Variants in ADAMTSL3 observed in about 807,000 individuals in gnomAD.
ADAMTSL3 encodes ADAMTS like 3, also known as ADAMTS-like protein 3.
A neutral mutation model predicts 201.7 loss-of-function variants in ADAMTSL3; 128 were observed. The ratio of observed to expected loss-of-function variants is 0.63; its 90% CI spans 0.55 to 0.73. The LOEUF (loss-of-function observed/expected upper bound fraction) is 0.73, where lower values mean the gene tolerates loss of function less well. Ranked by LOEUF, ADAMTSL3 falls within the 30% of genes least tolerant of loss-of-function variation. The probability of loss-of-function intolerance (pLI) is 0.00; values close to 1 mark genes in which losing one functional copy is unlikely to be tolerated. For synonymous variants in ADAMTSL3, 738 were observed against 748.4 expected, an observed-to-expected ratio of 0.99 and a Z score of 0.23; for missense variants, 1,990 against 2,119.6, an observed-to-expected ratio of 0.94 and a Z score of 1.20.
chr15:83,671,288 A>G (rs1241104537), intron 2 of ADAMTSL3, among the ~76,000 whole-genome samples: 2 of 152,176 alleles, frequency 1.3e-5, no homozygotes, highest in African/African-American at 4.8e-5. Context: ...TAAAGAGGGC[A>G]CAGAACTTTT....
chr15:83,813,476 T>G (rs552421110), intron 5 of ADAMTSL3, among the ~76,000 whole-genome samples: 6 of 152,298 alleles, frequency 3.9e-5, no homozygotes, highest in Non-Finnish European at 8.8e-5. Flanking sequence ...GAAATCTAGT[T>G]GTAATAGGGA....
intron 3 of ADAMTSL3, among the ~76,000 whole-genome samples, chr15:83,711,952 G>A (rs779427050): frequency 4.6e-5 from 7 of 152,150 alleles, no homozygotes; most frequent in Non-Finnish European, 7.4e-5. Flanking sequence ...GTTCAAGACA[G>A]ACCCAAATGG....
At chr15:83,672,592 G>T (rs1438762994) in intron 2 of ADAMTSL3, among the ~76,000 whole-genome samples, 1 of 152,218 alleles carries the variant, frequency 6.6e-6, no homozygotes, top group Non-Finnish European at 1.5e-5. Flanking sequence ...GCAGTCATTT[G>T]TAATCATTAT....
intron 3 of ADAMTSL3, among the ~76,000 whole-genome samples, chr15:83,744,165 T>A (rs1239351478): frequency 1.3e-5 from 2 of 152,150 alleles, no homozygotes; most frequent in Admixed American, 1.3e-4. Flanking sequence ...TTTTTTATTT[T>A]AAAAAAAGGC....
intron 28 of ADAMTSL3, among the ~76,000 whole-genome samples, chr15:84,036,001 A>G (rs1280638556): frequency 6.6e-6 from 1 of 152,160 alleles, no homozygotes; most frequent in Non-Finnish European, 1.5e-5. Context: ...AGAGAAATAC[A>G]TTTCTTCAAC....
chr15:83,865,460 A>G (rs535750612), intron 8 of ADAMTSL3, among the ~76,000 whole-genome samples: 1 of 152,318 alleles, frequency 6.6e-6, no homozygotes. Context: ...ATAATGCCGC[A>G]TATCTACAAC....
chr15:83,740,069 A>T (rs1364663226), intron 3 of ADAMTSL3: 1 of 318,446 alleles, frequency 3.1e-6, no homozygotes, highest in Admixed American at 3.2e-5. Flanking sequence ...ATCACAGGTA[A>T]GGAATACCTA....
At chr15:83,781,652 T>C (rs1299022300) in intron 4 of ADAMTSL3, among the ~76,000 whole-genome samples, 1 of 152,040 alleles carries the variant, frequency 6.6e-6, no homozygotes, top group African/African-American at 2.4e-5. Context: ...AAACTATCAA[T>C]AGAGTGAACA....
chr15:83,799,832 T>G (rs1016642421), intron 4 of ADAMTSL3, among the ~76,000 whole-genome samples: 5 of 152,214 alleles, frequency 3.3e-5, no homozygotes, highest in Non-Finnish European at 7.3e-5. Flanking sequence ...TACACTGAAA[T>G]TAAAAACTTG....
Position 84,016,484 on chromosome 15 carries a change from G to T in ADAMTSL3, c.4258G>T (p.Glu1420Ter), listed in dbSNP as rs149903189. The T allele has an allele frequency of 1.9e-6, 3 of 1,613,530 alleles. No homozygotes were observed. Among genetic ancestry groups the T allele is most frequent in the Non-Finnish European group, 2.5e-6 (3 of 1,179,610 alleles). The change falls in exon 25 of 30, where the codon GAA becomes TAA. Residue 1420 changes from glutamate to a stop codon, truncating the protein, a stop_gained. Coordinates refer to ENST00000286744, the MANE Select transcript of ADAMTSL3 (RefSeq NM_207517.3). LOFTEE classifies it high-confidence loss of function. Reference protein sequence around the residue: ...TRTNSNDPTGEPPPQEPFWEP... With the variant: ...TRTNSNDPTG Reference sequence around the variant, plus strand: ...AACCAACAGCAATGACCCAACAGGAGAACCCCCGCCTCAAGGTCTGGGATT... The same window carrying T: ...AACCAACAGCAATGACCCAACAGGATAACCCCCGCCTCAAGGTCTGGGATT...
intron 3 of ADAMTSL3, among the ~76,000 whole-genome samples, chr15:83,766,923 T>G (rs1342552189): frequency 6.6e-6 from 1 of 152,096 alleles, no homozygotes; most frequent in Non-Finnish European, 1.5e-5. Flanking sequence ...GGTGAAACCC[T>G]GTCTCTACGA....
chr15:83,943,791 C>A (rs1298151176), intron 19 of ADAMTSL3, among the ~76,000 whole-genome samples: 1 of 152,204 alleles, frequency 6.6e-6, no homozygotes, highest in East Asian at 1.9e-4. Context: ...AGCTAACATC[C>A]CATAGTGTTC....
At chr15:83,773,421 G>A (rs2063018221) in intron 3 of ADAMTSL3, 102 bp from the exon 4 acceptor site, 2 of 1,309,644 alleles carry the variant, frequency 1.5e-6, no homozygotes, top group East Asian at 2.4e-5. Context: ...AAAAAAAAAG[G>A]TGACTCTGGA....
At chr15:83,936,203 T>C (rs1175717284) in intron 17 of ADAMTSL3, among the ~76,000 whole-genome samples, 1 of 151,898 alleles carries the variant, frequency 6.6e-6, no homozygotes, top group Admixed American at 6.5e-5. Flanking sequence ...GAGAGATTGA[T>C]TAATTAAAGT....
intron 3 of ADAMTSL3, among the ~76,000 whole-genome samples, chr15:83,714,891 T>G (rs1328412366): frequency 2.5e-5 from 1 of 40,218 alleles, no homozygotes; most frequent in Admixed American, 2.4e-4. Context: ...CCTTCCTTCC[T>G]TCCTTCCTTC....
At chr15:83,866,723 A>G (rs1348084279) in intron 8 of ADAMTSL3, among the ~76,000 whole-genome samples, 1 of 152,232 alleles carries the variant, frequency 6.6e-6, no homozygotes, top group African/African-American at 2.4e-5. Context: ...ACTAACCTGC[A>G]CATTGTGTAT....
At chr15:83,827,224 C>G (rs1367881837) in intron 6 of ADAMTSL3, among the ~76,000 whole-genome samples, 3 of 152,168 alleles carry the variant, frequency 2.0e-5, no homozygotes, top group African/African-American at 7.2e-5. Context: ...GAGATGGTAT[C>G]TCATTGTGGT....
intron 3 of ADAMTSL3, among the ~76,000 whole-genome samples, chr15:83,772,367 T>C (rs1040804843): frequency 1.3e-5 from 2 of 152,190 alleles, no homozygotes; most frequent in Non-Finnish European, 2.9e-5. Flanking sequence ...CTTAGTAAAG[T>C]TTTGTAACTT....
chr15:83,887,881 A>G (rs545670831), intron 10 of ADAMTSL3, among the ~76,000 whole-genome samples: 3 of 152,308 alleles, frequency 2.0e-5, no homozygotes, highest in East Asian at 3.9e-4. Context: ...GTGTGCCACC[A>G]TGCTTGGCTC....
Sources: allele counts gnomAD v4.1 joint callset (sites outside exome capture counted in the v4.1 genomes callset), GRCh38; gene constraint gnomAD v4.1.1; transcripts MANE v1.5; gene names NCBI Gene and HGNC (gene_info 2026-07-23, HGNC 2026-07-21).